ZPLD1: variants seen among roughly 807,000 people sequenced by gnomAD.
The protein encoded by ZPLD1 is zona pellucida-like domain-containing protein 1.
In ZPLD1, 34 loss-of-function variants were observed where a neutral mutation model predicts 47.2. The observed-to-expected ratio is 0.72, with a 90% confidence interval of 0.55 to 0.96. The LOEUF is 0.96. ZPLD1 is among the 40% of genes least tolerant of loss of function. ZPLD1 has a pLI of 0.00. For missense variants in ZPLD1, 512 were observed against 505.8 expected, an observed-to-expected ratio of 1.01 and a Z score of -0.12; for synonymous variants, 176 against 186.2, an observed-to-expected ratio of 0.95 and a Z score of 0.45.
chr3:102,389,290 A>G (rs1215369976), intron 6 of ZPLD1, among the ~76,000 whole-genome samples: 16 of 152,212 alleles, frequency 1.1e-4, no homozygotes, highest in Non-Finnish European at 1.5e-5. Flanking sequence ...ATCAACACAT[A>G]TGGTTGACAT....
intron 8 of ZPLD1, among the ~76,000 whole-genome samples, chr3:102,466,598 G>A (rs1707597286): frequency 6.6e-6 from 1 of 152,076 alleles, no homozygotes; most frequent in Non-Finnish European, 1.5e-5. Context: ...GACAGTAAAA[G>A]CCATGGCTAT....
At chr3:102,459,047 A>G (rs1009036377) in intron 6 of ZPLD1, among the ~76,000 whole-genome samples, 94 of 131,878 alleles carry the variant, frequency 7.1e-4, no homozygotes, top group South Asian at 2.6e-3. Context: ...CCGAGATAGC[A>G]CCACTGCACT....
chr3:102,387,942 G>A (rs1706449931), intron 6 of ZPLD1, among the ~76,000 whole-genome samples: 1 of 139,094 alleles, frequency 7.2e-6, no homozygotes, highest in Non-Finnish European at 1.5e-5. Context: ...CTCACTGCAA[G>A]CTCCGCCTCC....
intron 4 of ZPLD1, among the ~76,000 whole-genome samples, chr3:102,455,749 G>A (rs1442312575): frequency 6.6e-6 from 1 of 152,280 alleles, no homozygotes; most frequent in Middle Eastern, 3.4e-3. Context: ...ATTTCTTAGG[G>A]AAGGTGAGAT....
chr3:102,451,968 A>G lies in ZPLD1; in HGVS notation c.107-951A>G, dbSNP rs148178455. Among the ~76,000 whole-genome samples, 76 of 152,034 alleles carry G rather than the reference A, an allele frequency of 5.0e-4. 1 individual carries two copies. In the East Asian group the frequency reaches 0.014, roughly 28 times the overall value. The stretch of plus-strand genomic sequence containing the variant: ...CTTCAGCATATCTTTTTTTGGGGGG[A>G]CATAATTCAACCTATAGCAATTACC... On this transcript the variant is annotated intron_variant, in intron 3 of 11. Transcript: ENST00000466937.
intron 7 of ZPLD1, among the ~76,000 whole-genome samples, chr3:102,415,509 G>GCT (rs1354813498): frequency 6.6e-6 from 1 of 151,816 alleles, no homozygotes. Context: ...TTGGATGGAT[G>GCT]CTACAAACTT....
intron 7 of ZPLD1, among the ~76,000 whole-genome samples, chr3:102,392,448 A>C (rs554552184): frequency 6.6e-6 from 1 of 152,062 alleles, no homozygotes; most frequent in Non-Finnish European, 1.5e-5. Flanking sequence ...ATAGAGTTCC[A>C]AGGTGGTGCA....
chr3:102,417,037 CTT>C (rs1706816901), intron 7 of ZPLD1, among the ~76,000 whole-genome samples: 1 of 151,746 alleles, frequency 6.6e-6, no homozygotes, highest in East Asian at 2.0e-4. Context: ...AGGCCGAACT[CTT>C]AGATTTTAAT....
rs556101615 is a variant in ZPLD1 at position 102,456,148 on chromosome 3, A to C, written c.328-45A>C. The C allele has an allele frequency of 3.9e-6, 6 of 1,545,092 alleles. No homozygotes were observed. In the African/African-American group the frequency reaches 8.2e-5, roughly 21 times the overall value. On this transcript the variant is annotated intron_variant, in intron 4 of 11. Coordinates refer to ENST00000466937, the MANE Select transcript of ZPLD1 (RefSeq NM_001329788.2). ...TTTTGCATATGAAGTGCCTAGATGT[A>C]TATATAGCCATTTAATCATTAAACT...
intron 3 of ZPLD1, 70 bp downstream of exon 3, chr3:102,438,663 T>G: frequency 8.5e-7 from 1 of 1,181,634 alleles, no homozygotes; most frequent in Non-Finnish European, 1.2e-6. Flanking sequence ...GCAAGTCATT[T>G]AAATATATAT....
chr3:102,399,356 TC>T (rs1706593900), intron 7 of ZPLD1, among the ~76,000 whole-genome samples: 1 of 152,138 alleles, frequency 6.6e-6, no homozygotes, highest in Non-Finnish European at 1.5e-5. Context: ...CTTCATCGCC[TC>T]TCATTCCTTA....
intron 8 of ZPLD1, among the ~76,000 whole-genome samples, chr3:102,467,836 TACACACACACACACAC>T (rs61096565): frequency 3.2e-4 from 45 of 140,984 alleles, no homozygotes; most frequent in African/African-American, 1.0e-3. Context: ...AATAAAACTG[TACACACACACACACAC>T]ACACACACAC....
At chr3:102,444,131 C>T (rs776388710) in intron 3 of ZPLD1, among the ~76,000 whole-genome samples, 3 of 152,204 alleles carry the variant, frequency 2.0e-5, no homozygotes, top group Non-Finnish European at 4.4e-5. Flanking sequence ...CATGAATTTT[C>T]ACTTTTTGTT....
chr3:102,464,289 T>C (rs1330843514), intron 8 of ZPLD1, 38 bp downstream of exon 8: 1 of 1,358,214 alleles, frequency 7.4e-7, no homozygotes, highest in Admixed American at 1.7e-5. Flanking sequence ...TTGATACCAA[T>C]GACCCAGTTG....
intron 10 of ZPLD1, among the ~76,000 whole-genome samples, chr3:102,476,692 A>T (rs769327541): frequency 3.3e-5 from 5 of 152,164 alleles, no homozygotes; most frequent in Non-Finnish European, 5.9e-5. Flanking sequence ...CTGGAGAGCT[A>T]ATGATGAAAC....
intron 3 of ZPLD1, among the ~76,000 whole-genome samples, chr3:102,444,939 C>T (rs890241416): frequency 3.3e-5 from 5 of 152,180 alleles, no homozygotes; most frequent in Admixed American, 1.3e-4. Flanking sequence ...ACTCTACCCC[C>T]GTCCTCTCCA....
Position 102,477,041 on chromosome 3 carries a change from G to C in ZPLD1, c.1072G>C (p.Gly358Arg). ...DETPTNNSQL[G>R]SPSMPPFQLN... ...GACTCCAACCAACAATTCGCAACTT[G>C]GTAAGATAATTAACATATTTTGCAA... Residue 358 changes from glycine to arginine, a missense_variant and splice_region_variant, in exon 11 of 12, where the codon GGT becomes CGT. By Grantham distance (125) the Gly-to-Arg change is moderately radical. Coordinates refer to ENST00000466937, the MANE Select transcript of ZPLD1 (RefSeq NM_001329788.2). The C allele has an allele frequency of 6.2e-7, 1 of 1,613,472 alleles. No individual in the cohort carries two copies. Among genetic ancestry groups the C allele is most frequent in the South Asian group, 1.1e-5 (1 of 91,034 alleles).
intron 6 of ZPLD1, among the ~76,000 whole-genome samples, chr3:102,459,322 T>C (rs187987770): frequency 6.6e-6 from 1 of 152,204 alleles, no homozygotes; most frequent in African/African-American, 2.4e-5. Context: ...TTTGTTCTAA[T>C]TGAGTGAGAC....
chr3:102,431,960 G>A (rs1707020821), upstream of ZPLD1, among the ~76,000 whole-genome samples: 1 of 152,068 alleles, frequency 6.6e-6, no homozygotes, highest in African/African-American at 2.4e-5. Flanking sequence ...GAGTTAATAT[G>A]TACTTTTCCT....
Sources: gnomAD v4.1 joint callset for allele counts (sites outside exome capture counted in the v4.1 genomes callset) on GRCh38, gnomAD v4.1.1 for gene constraint, MANE v1.5 for transcripts, NCBI Gene and HGNC (gene_info 2026-07-23, HGNC 2026-07-21) for gene names.